The following USP20 variants were observed in gnomAD, a reference collection of about 807,000 sequenced individuals.
USP20 encodes ubiquitin carboxyl-terminal hydrolase 20.
A neutral mutation model predicts 124.2 loss-of-function variants in USP20; 80 were observed. The ratio of observed to expected loss-of-function variants is 0.64; its 90% CI spans 0.54 to 0.78. The LOEUF is 0.78. Ranked by LOEUF, USP20 falls within the 30% of genes least tolerant of loss-of-function variation. USP20 has a pLI of 0.00. For missense variants in USP20, 1,043 were observed against 1,244.4 expected (o/e 0.84, Z 2.44); for synonymous variants, 481 against 512.3 (o/e 0.94, Z 0.83).
In USP20 at chr9:129,878,397, G is replaced by T. The variant is rs766058952; in HGVS notation, c.2469G>T (p.Gln823His). The T allele has an allele frequency of 1.2e-6, 2 of 1,610,746 alleles. No individual in the cohort carries two copies. The highest frequency in any genetic ancestry group is 1.3e-5 in the African/African-American group (1 of 74,926). Residue 823 changes from glutamine (Q) to histidine (H), a missense_variant, in exon 23 of 26, where the codon CAG becomes CAT. Gln to His is a conservative substitution (Grantham distance 24, BLOSUM62 0). Transcript: ENST00000372429. ...GCGTCATCTACTGCATCAGCATGCA[G>T]TGGTTCCGGGAGTGGGAGGCGTTCG... ...SPGVIYCISM[Q>H]WFREWEAFVK...
intron 3 of USP20, 42 bp downstream of exon 3, chr9:129,852,678 G>A: frequency 1.3e-6 from 2 of 1,542,812 alleles, no homozygotes; most frequent in Non-Finnish European, 8.8e-7. Context: ...CACACCCAGG[G>A]CTGCCTCTTT....
rs2033774032 is a variant in USP20 at position 129,865,392 on chromosome 9, T to G, written c.690+11T>G. The G allele has an allele frequency of 6.2e-7, 1 of 1,614,018 alleles. No homozygotes were observed. The highest frequency in any genetic ancestry group is 1.3e-5 in the African/African-American group (1 of 74,952). ...GGCTATGCCCAGCAGGTAAGCCATC[T>G]GAGCTGCCCAGGGGACACCCAAGGC... On this transcript the variant is annotated intron_variant, in intron 10 of 25. Transcript: ENST00000372429.
intron 10 of USP20, among the ~76,000 whole-genome samples, chr9:129,867,239 C>T (rs1385654571): frequency 1.3e-5 from 2 of 152,170 alleles, no homozygotes; most frequent in Non-Finnish European, 2.9e-5. Flanking sequence ...CAGTGCACCC[C>T]CTGTGTGAGC....
chr9:129,870,072 G>A, intron 14 of USP20: 3 of 608,618 alleles, frequency 4.9e-6, no homozygotes, highest in South Asian at 4.1e-5. Context: ...GCGATGGACA[G>A]CAGGGAGGTG....
At chr9:129,840,602 TACTCTA>T (rs1388583012) in intron 1 of USP20, among the ~76,000 whole-genome samples, 6 of 152,222 alleles carry the variant, frequency 3.9e-5, no homozygotes, top group Non-Finnish European at 5.9e-5. Context: ...TTGCCTTATT[TACTCTA>T]ACTCTAATCT....
intron 1 of USP20, among the ~76,000 whole-genome samples, chr9:129,842,434 C>G (rs960860771): frequency 6.6e-6 from 1 of 152,110 alleles, no homozygotes; most frequent in African/African-American, 2.4e-5. Flanking sequence ...GGGCCTATGC[C>G]TGGCTGTTTC....
chr9:129,837,709 G>C (rs1289985568), intron 1 of USP20, among the ~76,000 whole-genome samples: 1 of 152,196 alleles, frequency 6.6e-6, no homozygotes, highest in Non-Finnish European at 1.5e-5. Context: ...TCACCTCCGG[G>C]AGGGTGGCAA....
intron 1 of USP20, among the ~76,000 whole-genome samples, chr9:129,843,961 G>C (rs1001843655): frequency 2.2e-4 from 33 of 151,948 alleles, no homozygotes; most frequent in African/African-American, 7.7e-4. Flanking sequence ...TAGCTACTTG[G>C]GGGGCTGAGG....
At chr9:129,858,864 G>A (rs2033362628) in intron 6 of USP20, among the ~76,000 whole-genome samples, 1 of 152,154 alleles carries the variant, frequency 6.6e-6, no homozygotes, top group South Asian at 2.1e-4. Flanking sequence ...CCATGGGGTG[G>A]CCGTGTGGAG....
At position 129,879,721 on chromosome 9, in the gene USP20, C is replaced by A; in HGVS notation, c.2584+77C>A. The stretch of plus-strand genomic sequence containing the variant: ...AGGCTGCTGCCCAGTCCCGTCCTTC[C>A]AGGAGCCCCCTTACCACCTGTCTTA... On this transcript the variant is annotated intron_variant, in intron 24 of 25. Transcript: ENST00000372429. This position sits in a 1 kb window ranked among gnomAD's most constrained non-coding sequence, Gnocchi z 4.2. 1 of 1,528,256 alleles carries A rather than the reference C, an allele frequency of 6.5e-7. No individual in the cohort carries two copies. Among genetic ancestry groups the A allele is most frequent in the Non-Finnish European group, 9.0e-7 (1 of 1,105,720 alleles). 94.7% of individuals were successfully genotyped at this position (1,528,256 alleles called of 1,614,324 possible). A position where few individuals can be genotyped will look rare whatever the true frequency, so the allele number is the denominator to read the frequency against.
intron 3 of USP20, among the ~76,000 whole-genome samples, chr9:129,854,841 C>T (rs1379031165): frequency 6.6e-6 from 1 of 152,168 alleles, no homozygotes; most frequent in Admixed American, 6.5e-5. Flanking sequence ...CAAGCTGCTT[C>T]ACTTCAACCC....
In USP20 at chr9:129,868,129, G is replaced by C; in HGVS notation, c.815G>C (p.Arg272Pro). The part of the protein sequence containing the change: ...DSDSSDTDEK[R>P]EGDRSPSEDE... ...GATTCGAGTGACACGGATGAGAAACGGGAGGGTGACCGGAGCCCATCAGAA... is the reference window on the plus strand; with the variant it reads ...GATTCGAGTGACACGGATGAGAAACCGGAGGGTGACCGGAGCCCATCAGAA... Residue 272 changes from arginine to proline, a missense_variant, in exon 11 of 26, where the codon CGG (arginine) becomes CCG (proline). Transcript: ENST00000372429. 1 of 1,614,212 alleles carries C rather than the reference G, an allele frequency of 6.2e-7. No individual in the cohort carries two copies. The highest frequency in any genetic ancestry group is 1.3e-5 in the African/African-American group (1 of 75,072).
rs1159489842 is a variant in USP20 at position 129,846,228 on chromosome 9, CATATAT to C, written c.-128-3570_-128-3565del. Among the ~76,000 whole-genome samples the C allele has an allele frequency of 7.8e-3, 465 of 59,368 alleles. 18 individuals are homozygous for C. Among genetic ancestry groups the C allele is most frequent in the East Asian group, 0.036 (70 of 1,918 alleles). 38.9% of individuals were successfully genotyped at this position (59,368 alleles called of 152,430 possible). ...ACAGTCGTGAGCCACTGCGCCCAGC[CATATAT>C]ATATATATATATATTTTTTTTTTTT... is the stretch of plus-strand genomic sequence containing the variant. On this transcript the variant is annotated intron_variant, in intron 1 of 25. Transcript: ENST00000372429.
chr9:129,846,249 T>A (rs10123564), intron 1 of USP20, among the ~76,000 whole-genome samples: 1,298 of 55,118 alleles, frequency 0.024, 11 homozygotes, highest in African/African-American at 0.085. Flanking sequence ...ATATATATAT[T>A]TTTTTTTTTT....
intron 1 of USP20, among the ~76,000 whole-genome samples, chr9:129,836,040 C>T (rs895819151): frequency 6.6e-6 from 1 of 152,122 alleles, no homozygotes; most frequent in African/African-American, 2.4e-5. Context: ...TCGGTGCTTG[C>T]CGGCCACCCC....
intron 1 of USP20, among the ~76,000 whole-genome samples, chr9:129,847,057 G>A (rs2032619901): frequency 6.6e-6 from 1 of 152,182 alleles, no homozygotes; most frequent in Admixed American, 6.5e-5. Context: ...CACTTGGTTT[G>A]CATTGTCTTT....
At position 129,868,441 on chromosome 9, in the gene USP20, G is replaced by A. The variant is rs372261483; in HGVS notation, c.1127G>A (p.Arg376Gln). 1.5e-5 allele frequency: 24 copies of A among 1,609,616 alleles called. No homozygotes were observed. The highest frequency in any genetic ancestry group is 1.1e-4 in the African/African-American group (8 of 74,850). ...TCACCACGGTCCTCCAGCCCCTGCC[G>A]GACGCCAGGTATCAGCTGGCCGGGG... The part of the protein sequence containing the change: ...PPSPRSSSPC[R>Q]TPEPDNDAHL... The change falls in exon 11 of 26, where the codon CGG becomes CAG. Residue 376 changes from arginine to glutamine, a missense_variant. Arg to Gln is a conservative substitution (Grantham distance 43). Transcript: ENST00000372429.
At chr9:129,859,419 G>A (rs556699548) in intron 6 of USP20, among the ~76,000 whole-genome samples, 153 of 150,570 alleles carry the variant, frequency 1.0e-3, no homozygotes, top group African/African-American at 3.7e-3. Context: ...GATTACAGGC[G>A]CCCACGACCA....
At chr9:129,841,721 A>T (rs965283554) in intron 1 of USP20, among the ~76,000 whole-genome samples, 2 of 152,180 alleles carry the variant, frequency 1.3e-5, no homozygotes, top group Non-Finnish European at 2.9e-5. Flanking sequence ...GAAGCTGTTG[A>T]AGGGTTTGCT....
Sources: allele counts gnomAD v4.1 joint callset (sites outside exome capture counted in the v4.1 genomes callset), GRCh38; gene constraint gnomAD v4.1.1; non-coding constraint Gnocchi (gnomAD v3.1); transcripts MANE v1.5; gene names NCBI Gene and HGNC (gene_info 2026-07-23, HGNC 2026-07-21).